EPHA3: variants seen among roughly 807,000 people sequenced by gnomAD.
EPHA3 encodes the protein ephrin type-A receptor 3.
EPHA3 carries 42 observed loss-of-function variants against 107.1 expected under a neutral mutation model. The observed-to-expected ratio is 0.39, with a 90% confidence interval of 0.31 to 0.51. EPHA3 has a LOEUF of 0.51. Among genes scored for constraint, EPHA3 ranks in the 20% least tolerant of loss-of-function variants. The pLI is 0.78. For missense variants in EPHA3, 1,183 were observed against 1,211.2 expected, an observed-to-expected ratio of 0.98 and a Z score of 0.35; for synonymous variants, 461 against 424.8, an observed-to-expected ratio of 1.09 and a Z score of -1.05.
chr3:89,261,958 G>A (rs906323654), intron 3 of EPHA3, among the ~76,000 whole-genome samples: 4 of 151,634 alleles, frequency 2.6e-5, no homozygotes, highest in Admixed American at 6.6e-5. Context: ...TTATTTTATA[G>A]CATTATTAGT....
At chr3:89,445,423 C>G (rs559124696) in intron 13 of EPHA3, among the ~76,000 whole-genome samples, 1 of 152,062 alleles carries the variant, frequency 6.6e-6, no homozygotes, top group South Asian at 2.1e-4. Context: ...AATATGTTTA[C>G]TTCTAAGTAT....
chr3:89,360,838 G>A (rs1252535492), intron 5 of EPHA3, among the ~76,000 whole-genome samples: 1 of 150,944 alleles, frequency 6.6e-6, no homozygotes, highest in Non-Finnish European at 1.5e-5. Flanking sequence ...AATTTCCTGT[G>A]TAATTTCAAA....
chr3:89,395,612 C>T (rs1708833078), intron 5 of EPHA3, among the ~76,000 whole-genome samples: 1 of 152,184 alleles, frequency 6.6e-6, no homozygotes, highest in African/African-American at 2.4e-5. Flanking sequence ...CACATTTTCC[C>T]TAGGCCTGCA....
rs1458855228 is a variant in EPHA3 at position 89,480,965 on chromosome 3, A to G, written c.*1463A>G. 4.3e-6 allele frequency: 1 copy of G among 231,760 alleles called. No individual in the cohort carries two copies. The highest frequency in any genetic ancestry group is 8.5e-6 in the Non-Finnish European group (1 of 117,060). The allele number at this position is 231,760 out of a possible 1,614,324, so 14.4% of individuals were successfully genotyped here. ...CTCATCACAGGGATTTAGACTTACTATTACATAAAGGCTAACTATGAGCTT... is the reference window on the plus strand; with the variant it reads ...CTCATCACAGGGATTTAGACTTACTGTTACATAAAGGCTAACTATGAGCTT... On this transcript the variant is annotated 3_prime_UTR_variant, in exon 17 of 17. Coordinates refer to ENST00000336596, the MANE Select transcript of EPHA3 (RefSeq NM_005233.6).
At chr3:89,139,910 G>A (rs983712272) in intron 2 of EPHA3, among the ~76,000 whole-genome samples, 1 of 151,830 alleles carries the variant, frequency 6.6e-6, no homozygotes, top group African/African-American at 2.4e-5. Flanking sequence ...TCAACCGAGT[G>A]TCATGCATTG....
chr3:89,179,445 G>C (rs1477788314), intron 2 of EPHA3, among the ~76,000 whole-genome samples: 1 of 151,866 alleles, frequency 6.6e-6, no homozygotes, highest in Non-Finnish European at 1.5e-5. Flanking sequence ...CATCTAATAA[G>C]AAATAAATCA....
intron 2 of EPHA3, among the ~76,000 whole-genome samples, chr3:89,188,665 C>T (rs1705629260): frequency 6.6e-6 from 1 of 152,160 alleles, no homozygotes; most frequent in South Asian, 2.1e-4. Context: ...TTACAAACTT[C>T]ACTTCTAACT....
intron 5 of EPHA3, among the ~76,000 whole-genome samples, chr3:89,393,792 A>T (rs1708792070): frequency 1.3e-5 from 2 of 152,114 alleles, no homozygotes; most frequent in Non-Finnish European, 2.9e-5. Flanking sequence ...TTTTTTTTTA[A>T]AAAATCCACA....
At chr3:89,343,261 T>G (rs1279041307) in intron 5 of EPHA3, among the ~76,000 whole-genome samples, 2 of 152,218 alleles carry the variant, frequency 1.3e-5, no homozygotes, top group East Asian at 3.9e-4. Context: ...GTTCAACTAG[T>G]AAAGACACAG....
At chr3:89,139,164 G>A (rs544151706) in intron 2 of EPHA3, among the ~76,000 whole-genome samples, 1 of 151,990 alleles carries the variant, frequency 6.6e-6, no homozygotes, top group South Asian at 2.1e-4. Flanking sequence ...CAATCGGGGA[G>A]ACAGCCTAGC....
chr3:89,432,673 C>T (rs1709591817), intron 13 of EPHA3, among the ~76,000 whole-genome samples: 1 of 152,068 alleles, frequency 6.6e-6, no homozygotes, highest in Non-Finnish European at 1.5e-5. Context: ...ATTAATACTA[C>T]ACAAACATAA....
chr3:89,200,985 A>C (rs1159310451), intron 2 of EPHA3, among the ~76,000 whole-genome samples: 2 of 152,146 alleles, frequency 1.3e-5, no homozygotes, highest in African/African-American at 4.8e-5. Flanking sequence ...TGGAATAAGC[A>C]GGTGTATTAG....
intron 10 of EPHA3, among the ~76,000 whole-genome samples, chr3:89,416,517 G>A (rs1424090534): frequency 1.3e-5 from 2 of 151,096 alleles, no homozygotes; most frequent in Non-Finnish European, 3.0e-5. Flanking sequence ...CAACCATAAA[G>A]TTCAGCTATT....
intron 1 of EPHA3, among the ~76,000 whole-genome samples, chr3:89,116,318 A>G (rs1420648598): frequency 2.0e-5 from 3 of 152,174 alleles, no homozygotes; most frequent in East Asian, 3.8e-4. Flanking sequence ...TGAATTAACA[A>G]TTGGAATTAT....
chr3:89,430,809 C>G (rs985203955), intron 12 of EPHA3, among the ~76,000 whole-genome samples: 2 of 152,214 alleles, frequency 1.3e-5, no homozygotes, highest in East Asian at 1.9e-4. Flanking sequence ...TCAACCTAAA[C>G]TAGCCACAAG....
chr3:89,129,468 G>A (rs1704156616), intron 2 of EPHA3, among the ~76,000 whole-genome samples: 1 of 151,896 alleles, frequency 6.6e-6, no homozygotes. Context: ...CTAAAAAAAA[G>A]AATAAAATCA....
intron 3 of EPHA3, among the ~76,000 whole-genome samples, chr3:89,318,585 G>A (rs553200638): frequency 6.6e-6 from 1 of 151,762 alleles, no homozygotes; most frequent in Non-Finnish European, 1.5e-5. Context: ...ATGGTCAGAC[G>A]GCCGGCCAGC....
At chr3:89,253,750 A>G (rs558784305) in intron 3 of EPHA3, among the ~76,000 whole-genome samples, 1 of 152,294 alleles carries the variant, frequency 6.6e-6, no homozygotes, top group Admixed American at 6.5e-5. Context: ...AACAAAGCTC[A>G]AAATTAAGAA....
chr3:89,284,966 A>C (rs997797983), intron 3 of EPHA3, among the ~76,000 whole-genome samples: 10 of 152,040 alleles, frequency 6.6e-5, no homozygotes, highest in African/African-American at 2.2e-4. Context: ...TTTCTACTAA[A>C]AATACTAAAA....
Sources: gnomAD v4.1 joint callset for allele counts (sites outside exome capture counted in the v4.1 genomes callset) on GRCh38, gnomAD v4.1.1 for gene constraint, MANE v1.5 for transcripts, NCBI Gene and HGNC (gene_info 2026-07-23, HGNC 2026-07-21) for gene names.